SAMD12: variants seen among roughly 807,000 people sequenced by gnomAD.
SAMD12 encodes sterile alpha motif domain containing 12.
SAMD12 carries 9 observed loss-of-function variants against 15.0 expected under a neutral mutation model. The observed-to-expected ratio is 0.60, with a 90% confidence interval of 0.36 to 1.05. The LOEUF is 1.05. Ranked by LOEUF, SAMD12 falls within the 50% of genes least tolerant of loss-of-function variation. The pLI, the probability that SAMD12 is intolerant of heterozygous loss-of-function variation, is 0.01. For missense variants in SAMD12, 230 were observed against 234.2 expected (o/e 0.98, Z 0.12); for synonymous variants, 86 against 90.1 (o/e 0.96, Z 0.25).
chr8:118,403,697 C>T (rs553853453), intron 3 of SAMD12, among the ~76,000 whole-genome samples: 1 of 152,204 alleles, frequency 6.6e-6, no homozygotes, highest in South Asian at 2.1e-4. Context: ...GAGAACATGA[C>T]CTTACAGGGT....
intron 1 of SAMD12, among the ~76,000 whole-genome samples, chr8:118,612,981 A>T (rs560645749): frequency 2.6e-5 from 4 of 152,360 alleles, no homozygotes; most frequent in South Asian, 2.1e-4. Context: ...GATACCATTT[A>T]TATGAAATCT....
At chr8:118,564,036 A>C (rs748996989) in intron 2 of SAMD12, among the ~76,000 whole-genome samples, 6 of 152,226 alleles carry the variant, frequency 3.9e-5, no homozygotes, top group Non-Finnish European at 8.8e-5. Context: ...AGTAAGCATG[A>C]GAGGAGAAGG....
At chr8:118,548,310 A>C (rs533183724) in intron 2 of SAMD12, among the ~76,000 whole-genome samples, 1 of 152,104 alleles carries the variant, frequency 6.6e-6, no homozygotes, top group South Asian at 2.1e-4. Context: ...TAATAGATAT[A>C]TGATTCCTTC....
chr8:118,319,678 G>A (rs7841049), intron 4 of SAMD12, among the ~76,000 whole-genome samples: 5 of 151,954 alleles, frequency 3.3e-5, no homozygotes, highest in Middle Eastern at 3.2e-3. Context: ...TGATGCAGAC[G>A]AGGAAGAGCT....
intron 2 of SAMD12, among the ~76,000 whole-genome samples, chr8:118,567,580 G>A (rs1178333967): frequency 6.6e-6 from 1 of 152,146 alleles, no homozygotes; most frequent in African/African-American, 2.4e-5. Context: ...GGACAAAGAG[G>A]CACTGAAGTT....
intron 2 of SAMD12, among the ~76,000 whole-genome samples, chr8:118,442,615 A>C (rs1355503610): frequency 1.3e-5 from 2 of 152,202 alleles, no homozygotes; most frequent in Non-Finnish European, 2.9e-5. Context: ...CACAACTAGG[A>C]AGCTAGAATT....
intron 3 of SAMD12, among the ~76,000 whole-genome samples, chr8:118,387,539 CT>C (rs1415943572): frequency 1.3e-5 from 2 of 152,124 alleles, no homozygotes; most frequent in East Asian, 3.9e-4. Context: ...ATCCTAGTAG[CT>C]TTACATAGAT....
rs929930700 is a variant in SAMD12, at chr8:118,572,081, C to T, written c.192+8634G>A. On this transcript the variant is annotated intron_variant, in intron 2 of 3. Transcript: ENST00000314727. ...AGCTGCCCAAGACCATGGGAACCCA[C>T]CTCTTGCATCAGCGTGACCTGGATG... Among the ~76,000 whole-genome samples, 7 of 152,174 alleles carry T rather than the reference C, an allele frequency of 4.6e-5. No homozygotes were observed. The East Asian group carries it at 1.3e-3, about 29-fold the overall frequency.
At chr8:118,267,701 T>TTGTGTG (rs10671962) in intron 4 of SAMD12, among the ~76,000 whole-genome samples, 1,885 of 147,600 alleles carry the variant, frequency 0.013, 21 homozygotes, top group South Asian at 0.053. Context: ...TTCCCATCTG[T>TTGTGTG]TGTGTGTGTG....
the SAMD12 span, among the ~76,000 whole-genome samples, chr8:118,138,194 A>T: frequency 1.6e-5 from 2 of 125,782 alleles, no homozygotes; most frequent in Non-Finnish European, 3.8e-5. Flanking sequence ...CCTGATTCCA[A>T]CGCTTACTGA....
At chr8:118,498,253 G>A (rs1421553319) in intron 2 of SAMD12, among the ~76,000 whole-genome samples, 1 of 152,114 alleles carries the variant, frequency 6.6e-6, no homozygotes, top group African/African-American at 2.4e-5. Context: ...TCAGCTTAAG[G>A]GTCCTGTTTA....
At chr8:118,596,122 C>T (rs1318703595) in intron 1 of SAMD12, among the ~76,000 whole-genome samples, 1 of 152,198 alleles carries the variant, frequency 6.6e-6, no homozygotes, top group Non-Finnish European at 1.5e-5. Flanking sequence ...ACCTGGATCC[C>T]AGAATAAGAC....
chr8:118,353,681 GA>G (rs1447628739), intron 4 of SAMD12, among the ~76,000 whole-genome samples: 2 of 152,054 alleles, frequency 1.3e-5, no homozygotes, highest in Admixed American at 1.3e-4. Flanking sequence ...ATTAAGGGGG[GA>G]AAATAACAGT....
intron 1 of SAMD12, among the ~76,000 whole-genome samples, chr8:118,606,175 G>A (rs556658622): frequency 6.6e-6 from 1 of 152,142 alleles, no homozygotes; most frequent in East Asian, 1.9e-4. Context: ...GCCCTAGTCT[G>A]GCTGCCTTCA....
the SAMD12 span, among the ~76,000 whole-genome samples, chr8:118,159,779 G>A: frequency 0.061 from 9,006 of 147,746 alleles, 376 homozygotes; most frequent in South Asian, 0.19. Flanking sequence ...GCAATGGTAC[G>A]ATCTCAGCTC....
intron 2 of SAMD12, among the ~76,000 whole-genome samples, chr8:118,543,631 C>CTTTTTTTTT (rs397978436): frequency 0.032 from 3,725 of 116,176 alleles, 245 homozygotes; most frequent in African/African-American, 0.13. Context: ...TTCTTTCTTT[C>CTTTTTTTTT]TTTTTTTTTT....
intron 3 of SAMD12, among the ~76,000 whole-genome samples, chr8:118,402,535 C>A (rs532221384): frequency 6.6e-6 from 1 of 152,340 alleles, no homozygotes; most frequent in East Asian, 1.9e-4. Context: ...AGAAAAGCCC[C>A]TTATGGGGTC....
At chr8:118,186,091 A>G (rs888078043), downstream of SAMD12, among the ~76,000 whole-genome samples, 1 of 152,198 alleles carries the variant, frequency 6.6e-6, no homozygotes, top group South Asian at 2.1e-4. Flanking sequence ...ACAAATGTGT[A>G]TGATTATTTC....
Position 118,284,709 on chromosome 8 carries a change from A to G in SAMD12, c.434-86977T>C, listed in dbSNP as rs370590584. 114 of 169,276 alleles carry G rather than the reference A, an allele frequency of 6.7e-4. 1 individual carries two copies. The highest frequency in any genetic ancestry group is 2.2e-3 in the African/African-American group (92 of 41,744). The allele number at this position is 169,276 out of a possible 1,614,324, so 10.5% of individuals were successfully genotyped here. ...TGTAATCCCAGCACTTTGGGAGGCCAAGGCGGGCAGATCACGAGGTCAGGA... is the reference window on the plus strand; with the variant it reads ...TGTAATCCCAGCACTTTGGGAGGCCGAGGCGGGCAGATCACGAGGTCAGGA... On this transcript the variant is annotated intron_variant, in intron 4 of 4. Transcript: ENST00000409003.
Sources: gnomAD v4.1 joint callset for allele counts (sites outside exome capture counted in the v4.1 genomes callset) on GRCh38, gnomAD v4.1.1 for gene constraint, MANE v1.5 for transcripts, NCBI Gene and HGNC (gene_info 2026-07-23, HGNC 2026-07-21) for gene names.